The following CPQ variants were observed in gnomAD, a reference collection of about 807,000 sequenced individuals.
CPQ encodes the protein Ser-Met dipeptidase.
CPQ carries 37 observed loss-of-function variants against 45.7 expected under a neutral mutation model. The ratio of observed to expected loss-of-function variants is 0.81; its 90% CI spans 0.62 to 1.07. The LOEUF (loss-of-function observed/expected upper bound fraction) is 1.07. Among genes scored for constraint, CPQ ranks in the 50% least tolerant of loss-of-function variants. The probability of loss-of-function intolerance (pLI) is 0.00; values close to 1 mark genes in which losing one functional copy is unlikely to be tolerated. For synonymous variants in CPQ, 186 were observed against 205.8 expected, an observed-to-expected ratio of 0.90 and a Z score of 0.82; for missense variants, 537 against 572.9, an observed-to-expected ratio of 0.94 and a Z score of 0.64.
At chr8:97,028,658 G>A (rs950662133) in intron 5 of CPQ, among the ~76,000 whole-genome samples, 6 of 152,088 alleles carry the variant, frequency 3.9e-5, no homozygotes, top group Non-Finnish European at 7.4e-5. Flanking sequence ...AACTTTCACT[G>A]AGCTGACATT....
intron 5 of CPQ, among the ~76,000 whole-genome samples, chr8:96,973,659 T>A (rs974759945): frequency 9.9e-5 from 15 of 152,046 alleles, no homozygotes; most frequent in African/African-American, 3.6e-4. Context: ...CCCATCAGAT[T>A]AACAGCAGAT....
At chr8:96,815,142 C>T (rs753494948) in intron 2 of CPQ, among the ~76,000 whole-genome samples, 1 of 151,624 alleles carries the variant, frequency 6.6e-6, no homozygotes, top group African/African-American at 2.4e-5. Context: ...TTTAAATGAA[C>T]GCTTCAAATG....
chr8:96,753,532 TCAAGG>T (rs1810289812), intron 1 of CPQ, among the ~76,000 whole-genome samples: 2 of 139,450 alleles, frequency 1.4e-5, no homozygotes, highest in Non-Finnish European at 3.3e-5. Flanking sequence ...CTTGCATCCC[TCAAGG>T]TTTTACTTAA....
intron 1 of CPQ, among the ~76,000 whole-genome samples, chr8:96,669,384 C>T (rs1178799552): frequency 1.3e-5 from 2 of 152,186 alleles, no homozygotes; most frequent in Non-Finnish European, 2.9e-5. Context: ...CCCTGCCCCT[C>T]CTTGAGTGTC....
chr8:96,917,944 C>A (rs1488370965), intron 4 of CPQ, among the ~76,000 whole-genome samples: 2 of 152,138 alleles, frequency 1.3e-5, no homozygotes, highest in Non-Finnish European at 1.5e-5. Flanking sequence ...GCTGTATCAA[C>A]TAGAGTACAG....
At chr8:96,708,318 G>A (rs1166888915) in intron 1 of CPQ, among the ~76,000 whole-genome samples, 1 of 151,850 alleles carries the variant, frequency 6.6e-6, no homozygotes, top group Non-Finnish European at 1.5e-5. Flanking sequence ...TATATCCGTA[G>A]GTTCCAAGAA....
At chr8:96,666,138 G>T (rs763303467) in intron 1 of CPQ, among the ~76,000 whole-genome samples, 5 of 152,082 alleles carry the variant, frequency 3.3e-5, no homozygotes, top group African/African-American at 4.8e-5. Flanking sequence ...CGTGGGCTCT[G>T]GGTTGTAGAG....
intron 5 of CPQ, among the ~76,000 whole-genome samples, chr8:97,018,209 C>G (rs781554731): frequency 7.2e-5 from 11 of 152,180 alleles, no homozygotes; most frequent in Non-Finnish European, 1.3e-4. Context: ...CAAGGAAACA[C>G]CCTGTGAGAC....
At chr8:96,838,893 G>C (rs924526777) in intron 3 of CPQ, among the ~76,000 whole-genome samples, 1 of 151,956 alleles carries the variant, frequency 6.6e-6, no homozygotes, top group Non-Finnish European at 1.5e-5. Flanking sequence ...CTCTGCATTT[G>C]GAGGAAAATA....
At chr8:96,807,217 C>A (rs1245084996) in intron 2 of CPQ, among the ~76,000 whole-genome samples, 1 of 149,158 alleles carries the variant, frequency 6.7e-6, no homozygotes, top group Non-Finnish European at 1.5e-5. Flanking sequence ...CCAGAGAAAA[C>A]TGCTGTTTTT....
intron 1 of CPQ, among the ~76,000 whole-genome samples, chr8:96,782,405 G>A (rs1810699584): frequency 6.6e-6 from 1 of 152,132 alleles, no homozygotes; most frequent in African/African-American, 2.4e-5. Flanking sequence ...CCAGAATGTG[G>A]GGAACAGACA....
At chr8:96,851,600 A>G (rs1811772140) in intron 3 of CPQ, among the ~76,000 whole-genome samples, 1 of 152,204 alleles carries the variant, frequency 6.6e-6, no homozygotes, top group Non-Finnish European at 1.5e-5. Flanking sequence ...AACCTCTTTT[A>G]TAAAAGCCTT....
chr8:96,955,892 T>TA (rs1401836646), intron 4 of CPQ, among the ~76,000 whole-genome samples: 1 of 152,168 alleles, frequency 6.6e-6, no homozygotes, highest in African/African-American at 2.4e-5. Context: ...ATGAAAGACT[T>TA]AAATGTTAGA....
At chr8:97,108,889 C>T (rs1388205975) in intron 7 of CPQ, among the ~76,000 whole-genome samples, 1 of 152,114 alleles carries the variant, frequency 6.6e-6, no homozygotes, top group East Asian at 1.9e-4. Flanking sequence ...ACCTTTGGCT[C>T]ACTCTTCCTC....
chr8:96,833,438 G>A (rs1385212625), intron 2 of CPQ, among the ~76,000 whole-genome samples: 1 of 152,100 alleles, frequency 6.6e-6, no homozygotes, highest in African/African-American at 2.4e-5. Context: ...CTCCAATCCG[G>A]ATGCCAAAAT....
intron 4 of CPQ, among the ~76,000 whole-genome samples, chr8:96,954,246 T>G (rs1813315422): frequency 6.6e-6 from 1 of 152,116 alleles, no homozygotes; most frequent in African/African-American, 2.4e-5. Flanking sequence ...AGAAAAAAAG[T>G]CCACTTTTCT....
intron 1 of CPQ, among the ~76,000 whole-genome samples, chr8:96,699,122 A>G (rs1809423905): frequency 6.6e-6 from 1 of 152,348 alleles, no homozygotes; most frequent in Admixed American, 6.5e-5. Context: ...AAAATGTGGT[A>G]CATGTACACA....
chr8:96,838,963 ATGT>A (rs1811568562), intron 3 of CPQ, among the ~76,000 whole-genome samples: 1 of 152,118 alleles, frequency 6.6e-6, no homozygotes, highest in African/African-American at 2.4e-5. Flanking sequence ...ATGAACAAAG[ATGT>A]TTTGAGTTGC....
intron 7 of CPQ, among the ~76,000 whole-genome samples, chr8:97,100,444 G>A (rs1811283956): frequency 6.6e-6 from 1 of 152,124 alleles, no homozygotes; most frequent in Admixed American, 6.5e-5. Flanking sequence ...TGAGCATGTT[G>A]CAGTGGGAAA....
Sources: gnomAD v4.1 joint callset for allele counts (sites outside exome capture counted in the v4.1 genomes callset) on GRCh38, gnomAD v4.1.1 for gene constraint, MANE v1.5 for transcripts, NCBI Gene and HGNC (gene_info 2026-07-23, HGNC 2026-07-21) for gene names.